ZNF577: variants seen among roughly 807,000 people sequenced by gnomAD.
ZNF577 encodes the protein zinc finger protein 577.
ZNF577 carries 14 observed loss-of-function variants against 13.9 expected under a neutral mutation model. The ratio of observed to expected loss-of-function variants is 1.00; its 90% CI spans 0.66 to 1.57. ZNF577 has a LOEUF of 1.57. Ranked by LOEUF, ZNF577 falls within the 40% of genes most tolerant of loss-of-function variation. The pLI, the probability that ZNF577 is intolerant of heterozygous loss-of-function variation, is 0.00. For missense variants in ZNF577, 555 were observed against 579.2 expected, an observed-to-expected ratio of 0.96 and a Z score of 0.43; for synonymous variants, 203 against 202.9, an observed-to-expected ratio of 1.00 and a Z score of 0.00.
intron 5 of ZNF577, chr19:51,860,248 C>A (rs953732894): frequency 4.6e-5 from 7 of 152,182 alleles, no homozygotes; most frequent in Admixed American, 1.3e-4. Flanking sequence ...GATGCTTTTA[C>A]CACTTTCACT....
chr19:51,872,601 T>A lies in ZNF577; in HGVS notation c.1389A>T (p.Thr463=), dbSNP rs767528589. The A allele has an allele frequency of 1.9e-6, 3 of 1,613,890 alleles. No individual in the cohort carries two copies. In the Admixed American group the frequency reaches 5.0e-5, roughly 27 times the overall value. Residue 463 remains threonine (T), a synonymous_variant, in exon 6 of 6, where the codon ACA becomes ACT. Transcript: ENST00000638348. ...CTGATGGGGCCACATTCACTTCATT[T>A]GTGAGGCTTATTCTCTGTTCAAATT... ...NQEFEQRISL[T]NEVNVAPSVI...
rs2084843800 is a variant in ZNF577 at position 51,880,418 on chromosome 19, G to A, written c.-19-17C>T. ...TTATTTCAGCTGCCAAAAAAAAGGA[G>A]ACACAGTTTAAAGCAGAGAAAACCC... On this transcript the variant is annotated splice_polypyrimidine_tract_variant and intron_variant, in intron 2 of 5. Transcript: ENST00000638348. The A allele has an allele frequency of 3.7e-6, 6 of 1,612,120 alleles. No homozygotes were observed. The highest frequency in any genetic ancestry group is 5.1e-6 in the Non-Finnish European group (6 of 1,178,506).
chr19:51,887,692 C>T lies in ZNF577; in HGVS notation c.-1090G>A, dbSNP rs942209503. On this transcript the variant is annotated 5_prime_UTR_variant, in exon 1 of 6. Transcript: ENST00000638348. ...CATGGGCTCCCAGACTCTGGGAACT[C>T]CAACACGACTGCGAAACGAACTCCG... 2.0e-5 allele frequency: 3 copies of T among 152,150 alleles called. No individual in the cohort carries two copies. Among genetic ancestry groups the T allele is most frequent in the Non-Finnish European group, 4.4e-5 (3 of 68,032 alleles). 9.4% of individuals were successfully genotyped at this position (152,150 alleles called of 1,614,324 possible). A position where few individuals can be genotyped will look rare whatever the true frequency, so the allele number is the denominator to read the frequency against.
chr19:51,870,300 G>T lies in ZNF577; in HGVS notation c.*2232C>A, dbSNP rs78000484. ...ACACCTGGGTAAGTTTGTATTGGAT[G>T]CCAGACATGGTCAATTACTGACTGG... On this transcript the variant is annotated 3_prime_UTR_variant, in exon 6 of 6. Coordinates refer to ENST00000638348, the MANE Select transcript of ZNF577 (RefSeq NM_001370449.1). Among the ~76,000 whole-genome samples, 10,002 of 152,264 alleles carry T rather than the reference G, an allele frequency of 0.066. 462 individuals carry two copies. Among genetic ancestry groups the T allele is most frequent in the Non-Finnish European group, 0.099 (6,706 of 68,000 alleles).
chr19:51,884,413 CTGATA>C (rs1599880006), intron 1 of ZNF577, among the ~76,000 whole-genome samples: 7 of 152,122 alleles, frequency 4.6e-5, no homozygotes, highest in South Asian at 2.1e-4. Context: ...ATAAATATGA[CTGATA>C]TGACAGATGA....
intron 4 of ZNF577, 97 bp from the exon 5 acceptor site, chr19:51,877,474 T>C: frequency 2.0e-6 from 2 of 984,202 alleles, no homozygotes; most frequent in Non-Finnish European, 3.1e-6. Flanking sequence ...ATTTGCACTT[T>C]GATAAAGCAA....
chr19:51,873,326 C>A lies in ZNF577; in HGVS notation c.664G>T (p.Ala222Ser), dbSNP rs2084696342. ...KPHECSECGK[A>S]FSRKSQLMVH... ...ATGAGCTGTGACTTTCTGGAGAAGG[C>A]TTTTCCACATTCACTACATTCATGG... The change falls in exon 6 of 6, where the codon GCC becomes TCC. Residue 222 changes from alanine to serine, a missense_variant. Coordinates refer to ENST00000638348, the MANE Select transcript of ZNF577 (RefSeq NM_001370449.1). 8.1e-6 allele frequency: 13 copies of A among 1,614,082 alleles called. No homozygotes were observed. Among genetic ancestry groups the A allele is most frequent in the Non-Finnish European group, 1.1e-5 (13 of 1,180,000 alleles).
chr19:51,886,820 C>A lies in ZNF577; in HGVS notation c.-219+1G>T, dbSNP rs1440613988. Reference sequence around the variant, plus strand: ...GGAAACTGACTCAGAGATTAACGTACCCAAGTCAGAGGCAGAGGCAGGTAC... The same window carrying A: ...GGAAACTGACTCAGAGATTAACGTAACCAAGTCAGAGGCAGAGGCAGGTAC... On this transcript the variant is annotated splice_donor_variant, in intron 1 of 5. Transcript: ENST00000638348. LOFTEE classifies it low-confidence loss of function (5UTR_SPLICE). The A allele has an allele frequency of 1.3e-5, 2 of 152,122 alleles. No homozygotes were observed. The highest frequency in any genetic ancestry group is 4.8e-5 in the African/African-American group (2 of 41,412). 9.4% of individuals were successfully genotyped at this position (152,122 alleles called of 1,614,324 possible). A position where few individuals can be genotyped will look rare whatever the true frequency, so the allele number is the denominator to read the frequency against.
intron 3 of ZNF577, among the ~76,000 whole-genome samples, chr19:51,879,218 C>T (rs1176022237): frequency 6.7e-6 from 1 of 148,784 alleles, no homozygotes; most frequent in Non-Finnish European, 1.5e-5. Context: ...GATTGCGCCA[C>T]TGCACTGCAG....
chr19:51,814,966 C>A (rs552662303), intron 9 of ZNF577, among the ~76,000 whole-genome samples: 50 of 151,944 alleles, frequency 3.3e-4, no homozygotes, highest in African/African-American at 8.0e-4. Context: ...CCTGCCACCA[C>A]GTCTGGCTAA....
At chr19:51,854,984 A>C (rs543831794) in intron 5 of ZNF577, among the ~76,000 whole-genome samples, 1 of 152,232 alleles carries the variant, frequency 6.6e-6, no homozygotes, top group Admixed American at 6.5e-5. Context: ...TACATGGTTT[A>C]CTTCAGTTCC....
chr19:51,873,314 T>G lies in ZNF577; in HGVS notation c.676A>C (p.Lys226Gln). 6.2e-7 allele frequency: 1 copy of G among 1,614,208 alleles called. No individual in the cohort carries two copies. The highest frequency in any genetic ancestry group is 8.5e-7 in the Non-Finnish European group (1 of 1,180,016). ...CTCTGATGGACCATGAGCTGTGACT[T>G]TCTGGAGAAGGCTTTTCCACATTCA... is the stretch of plus-strand genomic sequence containing the variant. ...CSECGKAFSR[K>Q]SQLMVHQRTH... Residue 226 changes from lysine (K) to glutamine (Q), a missense_variant, in exon 6 of 6, where the codon AAG becomes CAG. Transcript: ENST00000638348.
At position 51,824,352 on chromosome 19, in the gene ZNF577, C is replaced by G; in HGVS notation, c.*600-12678G>C. On this transcript the variant is annotated intron_variant and NMD_transcript_variant, in intron 9 of 10. Coordinates refer to the ZNF577 transcript ENST00000638827. This position sits in a 1 kb window ranked among gnomAD's most constrained non-coding sequence, Gnocchi z 4.7. ...GTTCATTACCATGGCCAAGGTCTTT[C>G]TGATCCTCCACTTCATTATTGGCTT... The G allele has an allele frequency of 1.9e-6, 3 of 1,614,156 alleles. No individual in the cohort carries two copies. The South Asian group carries it at 3.3e-5, about 18-fold the overall frequency.
chr19:51,831,896 T>C (rs1051378642), intron 9 of ZNF577, among the ~76,000 whole-genome samples: 5 of 152,256 alleles, frequency 3.3e-5, no homozygotes, highest in Non-Finnish European at 7.3e-5. Context: ...GGAATATTCT[T>C]CCTCTTGAAC....
intron 5 of ZNF577, among the ~76,000 whole-genome samples, chr19:51,876,743 T>C (rs1393874202): frequency 1.3e-5 from 2 of 151,836 alleles, no homozygotes; most frequent in Non-Finnish European, 2.9e-5. Context: ...CTGGCCAATG[T>C]AGTGAAAACT....
chr19:51,847,458 T>A (rs548430306), intron 5 of ZNF577, among the ~76,000 whole-genome samples: 1 of 151,916 alleles, frequency 6.6e-6, no homozygotes, highest in South Asian at 2.1e-4. Flanking sequence ...CTCCAAATAC[T>A]CAAACTTGGA....
intron 1 of ZNF577, among the ~76,000 whole-genome samples, chr19:51,883,193 A>G (rs542532528): frequency 1.2e-4 from 18 of 152,094 alleles, no homozygotes; most frequent in Non-Finnish European, 2.1e-4. Context: ...AGGCTTCACC[A>G]TCTTTGCCAG....
chr19:51,822,865 CT>C lies in ZNF577; in HGVS notation c.*600-11192del, dbSNP rs202035775. On this transcript the variant is annotated intron_variant and NMD_transcript_variant, in intron 9 of 10. Coordinates refer to the ZNF577 transcript ENST00000638827. ...CTATAGGATGTAATATATTTCTGCTCTTTTTTTTTGTGGGGGGAAATGGAAT... is the reference window on the plus strand; with the variant it reads ...CTATAGGATGTAATATATTTCTGCTCTTTTTTTTGTGGGGGGAAATGGAAT... Among the ~76,000 whole-genome samples, 12 of 151,054 alleles carry C rather than the reference CT, an allele frequency of 7.9e-5. No homozygotes were observed. The South Asian group carries it at 8.4e-4, about 11-fold the overall frequency.
intron 9 of ZNF577, among the ~76,000 whole-genome samples, chr19:51,836,812 G>A (rs1027362522): frequency 3.3e-5 from 5 of 152,150 alleles, no homozygotes; most frequent in East Asian, 1.9e-4. Context: ...GGGAGGCTGC[G>A]GCGGGTGGAT....
Sources: allele counts gnomAD v4.1 joint callset (sites outside exome capture counted in the v4.1 genomes callset), GRCh38; gene constraint gnomAD v4.1.1; non-coding constraint Gnocchi (gnomAD v3.1); transcripts MANE v1.5; gene names NCBI Gene and HGNC (gene_info 2026-07-23, HGNC 2026-07-21).